OTOGL: variants seen among roughly 807,000 people sequenced by gnomAD.
The protein encoded by OTOGL is otogelin like.
A neutral mutation model predicts 318.5 loss-of-function variants in OTOGL; 285 were observed. The observed-to-expected ratio is 0.89, with a 90% CI of 0.81 to 0.99. OTOGL has a LOEUF of 0.99. Ranked by LOEUF, OTOGL falls within the 50% of genes least tolerant of loss-of-function variation. The pLI, the probability that OTOGL is intolerant of heterozygous loss-of-function variation, is 0.00. For synonymous variants in OTOGL, 987 were observed against 936.5 expected, an observed-to-expected ratio of 1.05 and a Z score of -0.99; for missense variants, 2,899 against 2,845.6, an observed-to-expected ratio of 1.02 and a Z score of -0.43.
At chr12:80,359,453 C>T (rs762524551) in intron 52 of OTOGL, among the ~76,000 whole-genome samples, 3 of 152,062 alleles carry the variant, frequency 2.0e-5, no homozygotes, top group African/African-American at 7.2e-5. Flanking sequence ...CATGATATGC[C>T]GATAAGGCTT....
In OTOGL at chr12:80,352,411, T is replaced by C; in HGVS notation, c.5382T>C (p.Ile1794=). 1 of 1,609,834 alleles carries C rather than the reference T, an allele frequency of 6.2e-7. No homozygotes were observed. Among genetic ancestry groups the C allele is most frequent in the Non-Finnish European group, 8.5e-7 (1 of 1,178,154 alleles). ...VALCNKFDIC[I]QWRTPDYCSL... Reference sequence around the variant, plus strand: ...TGTGCAACAAGTTTGATATCTGTATTCAGTGGAGAACACCTGATTACTGCT... The same window carrying C: ...TGTGCAACAAGTTTGATATCTGTATCCAGTGGAGAACACCTGATTACTGCT... Residue 1794 remains isoleucine, a synonymous_variant, in exon 45 of 59, where the codon ATT becomes ATC. Transcript: ENST00000547103.
intron 1 of OTOGL, among the ~76,000 whole-genome samples, chr12:80,144,365 TC>T (rs1272595852): frequency 2.6e-5 from 4 of 151,612 alleles, no homozygotes; most frequent in African/African-American, 9.7e-5. Context: ...TTCATCCATG[TC>T]CCTACAAAGG....
intron 1 of OTOGL, among the ~76,000 whole-genome samples, chr12:80,169,457 G>A (rs568473189): frequency 2.6e-5 from 4 of 152,132 alleles, no homozygotes; most frequent in Non-Finnish European, 2.9e-5. Flanking sequence ...GCTCCTTCTC[G>A]TTTACTAATT....
At chr12:80,239,475 C>T (rs1307811790) in intron 11 of OTOGL, 36 bp downstream of exon 11, 3 of 1,441,742 alleles carry the variant, frequency 2.1e-6, no homozygotes, top group African/African-American at 2.9e-5. Context: ...ATAAAATTTT[C>T]TTTATGCAAA....
intron 25 of OTOGL, 132 bp from the exon 26 acceptor site, chr12:80,278,896 G>T (rs556526126): frequency 1.7e-5 from 17 of 1,020,044 alleles, no homozygotes; most frequent in African/African-American, 1.6e-4. Flanking sequence ...GTATCAGAAT[G>T]AACTGGCAAT....
At chr12:80,100,182 GA>G (rs1644665263) in intron 1 of OTOGL, among the ~76,000 whole-genome samples, 1 of 152,098 alleles carries the variant, frequency 6.6e-6, no homozygotes, top group African/African-American at 2.4e-5. Flanking sequence ...AAGAACTCAG[GA>G]CTTTCAGTTG....
intron 1 of OTOGL, among the ~76,000 whole-genome samples, chr12:80,184,175 A>G (rs989046038): frequency 6.6e-6 from 1 of 152,188 alleles, no homozygotes; most frequent in Non-Finnish European, 1.5e-5. Flanking sequence ...TTTCTGTTCA[A>G]CCCAGTCATG....
chr12:80,356,728 T>C (rs1450146992), intron 48 of OTOGL, 79 bp from the exon 49 acceptor site: 6 of 789,306 alleles, frequency 7.6e-6, no homozygotes, highest in African/African-American at 1.8e-5. Context: ...TATTTATTAC[T>C]AAATTCAAAG....
At chr12:80,120,789 G>T (rs375541761) in intron 1 of OTOGL, among the ~76,000 whole-genome samples, 1 of 152,178 alleles carries the variant, frequency 6.6e-6, no homozygotes. Context: ...GGGTTTATAG[G>T]CAGTGACAGA....
At chr12:80,222,376 G>T (rs1878435419) in intron 7 of OTOGL, 131 bp downstream of exon 7, 2 of 978,370 alleles carry the variant, frequency 2.0e-6, no homozygotes, top group African/African-American at 3.3e-5. Context: ...AGAGGGTCTG[G>T]GTTCAGTTAC....
chr12:80,150,177 G>A (rs894218991), intron 1 of OTOGL, among the ~76,000 whole-genome samples: 18 of 152,244 alleles, frequency 1.2e-4, no homozygotes, highest in African/African-American at 4.1e-4. Context: ...TGTGACCAAA[G>A]GTCCTGTTCC....
intron 43 of OTOGL, among the ~76,000 whole-genome samples, chr12:80,340,511 G>GT (rs1164652249): frequency 4.6e-5 from 7 of 152,094 alleles, no homozygotes. Context: ...TTATTTTTAT[G>GT]TTTTTTATCC....
intron 1 of OTOGL, among the ~76,000 whole-genome samples, chr12:80,121,668 A>G (rs549385360): frequency 6.6e-6 from 1 of 152,244 alleles, no homozygotes; most frequent in African/African-American, 2.4e-5. Context: ...ACACTAAAAC[A>G]CTTCTCTTCG....
chr12:80,140,109 G>C (rs1871835997), intron 1 of OTOGL, among the ~76,000 whole-genome samples: 1 of 152,054 alleles, frequency 6.6e-6, no homozygotes, highest in African/African-American at 2.4e-5. Context: ...CACCTGCCTT[G>C]CCTCTCCCCT....
chr12:80,264,394 C>T (rs559688970), intron 19 of OTOGL, among the ~76,000 whole-genome samples: 91 of 152,246 alleles, frequency 6.0e-4, no homozygotes, highest in Non-Finnish European at 1.0e-3. Context: ...ACCCTAATCC[C>T]CAATTTCTAC....
intron 52 of OTOGL, among the ~76,000 whole-genome samples, chr12:80,360,626 C>T (rs1478670666): frequency 4.6e-5 from 7 of 151,798 alleles, no homozygotes; most frequent in Non-Finnish European, 7.4e-5. Context: ...GGACTGCAGG[C>T]GTGTGCCACC....
chr12:80,158,595 T>C (rs117869096), intron 1 of OTOGL, among the ~76,000 whole-genome samples: 1,936 of 152,142 alleles, frequency 0.013, 13 homozygotes, highest in Admixed American at 0.021. Flanking sequence ...GTATAAGCTT[T>C]TGTAAAATGG....
chr12:80,179,457 G>A (rs148740078), intron 1 of OTOGL, among the ~76,000 whole-genome samples: 3 of 152,186 alleles, frequency 2.0e-5, no homozygotes, highest in African/African-American at 7.2e-5. Context: ...AAAAAATAAG[G>A]AACCTAAAAT....
At position 80,108,025 on chromosome 12, in the gene OTOGL, A is replaced by G. The variant is rs377153303; in HGVS notation, c.-20+8420A>G. Among the ~76,000 whole-genome samples, 3 of 152,218 alleles carry G rather than the reference A, an allele frequency of 2.0e-5. No individual in the cohort carries two copies. In the East Asian group the frequency reaches 5.8e-4, roughly 29 times the overall value. ...TGTTTATTACCCACATGATGAAATG[A>G]TCTGTACACCAAACCCCATGACACG... On this transcript the variant is annotated intron_variant, in intron 1 of 58. Coordinates refer to ENST00000547103, the MANE Select transcript of OTOGL (RefSeq NM_001378609.3).
Sources: gnomAD v4.1 joint callset for allele counts (sites outside exome capture counted in the v4.1 genomes callset) on GRCh38, gnomAD v4.1.1 for gene constraint, MANE v1.5 for transcripts, NCBI Gene and HGNC (gene_info 2026-07-23, HGNC 2026-07-21) for gene names.